Variants in GPD1L observed in about 807,000 individuals in gnomAD.
GPD1L encodes glycerol-3-phosphate dehydrogenase 1-like protein.
GPD1L carries 17 observed loss-of-function variants against 32.9 expected under a neutral mutation model. That is an observed-to-expected ratio of 0.52 (90% confidence interval 0.35 to 0.78). The LOEUF is 0.78. Among genes scored for constraint, GPD1L ranks in the 30% least tolerant of loss-of-function variants. GPD1L has a pLI of 0.01. For missense variants in GPD1L, 361 were observed against 447.8 expected (o/e 0.81, Z 1.75); for synonymous variants, 187 against 165.9 (o/e 1.13, Z -0.98).
Position 32,146,388 on chromosome 3 carries a change from A to G in GPD1L, c.506-234A>G, listed in dbSNP as rs9876851. Among the ~76,000 whole-genome samples, 63,249 of 151,936 alleles carry G rather than the reference A, an allele frequency of 0.42. 13,954 individuals carry two copies. The highest frequency in any genetic ancestry group is 0.55 in the African/African-American group (22,733 of 41,414). ...GGTGTGAGTCATCGTGTCTGGCCAA[A>G]AAAAACTTTAGATTCACATTCGGTC... On this transcript the variant is annotated intron_variant, in intron 4 of 7. Coordinates refer to ENST00000282541, the MANE Select transcript of GPD1L (RefSeq NM_015141.4).
intron 1 of GPD1L, among the ~76,000 whole-genome samples, chr3:32,110,829 AG>A (rs1700234566): frequency 6.6e-6 from 1 of 152,194 alleles, no homozygotes; most frequent in Admixed American, 6.5e-5. Flanking sequence ...AAAGCTTCTC[AG>A]GTTCTTTCAA....
In GPD1L at chr3:32,123,011, CCT is replaced by C. The variant is rs565290314; in HGVS notation, c.48-5061_48-5060del. On this transcript the variant is annotated intron_variant, in intron 1 of 7. Coordinates refer to ENST00000282541, the MANE Select transcript of GPD1L (RefSeq NM_015141.4). ...CCTTGACCTCCTGGGCTCAACTGAT[CCT>C]CTCGCTTCAGCCTCCTGAGTCGCTA... 1.1e-4 allele frequency among the ~76,000 whole-genome samples: 17 copies of C among 152,126 alleles called. No individual in the cohort carries two copies. The South Asian group carries it at 3.3e-3, about 30-fold the overall frequency.
chr3:32,132,419 T>G (rs546857744), intron 2 of GPD1L, among the ~76,000 whole-genome samples: 1 of 152,272 alleles, frequency 6.6e-6, no homozygotes, highest in South Asian at 2.1e-4. Flanking sequence ...GGGAAATAAG[T>G]TTAGGGCAAG....
Position 32,159,644 on chromosome 3 carries a change from G to A in GPD1L, c.929G>A (p.Arg310His), listed in dbSNP as rs771520513. 1.4e-5 allele frequency: 23 copies of A among 1,610,806 alleles called. No individual in the cohort carries two copies. Among genetic ancestry groups the A allele is most frequent in the Non-Finnish European group, 1.7e-5 (20 of 1,177,428 alleles). The change falls in exon 7 of 8, where the codon CGC becomes CAC. Residue 310 changes from arginine to histidine, a missense_variant. Transcript: ENST00000282541. Reference sequence around the variant, plus strand: ...CCGCAGACTTCTGCTGAAGTGTACCGCATCCTCAAACAGAAGGGACTACTG... The same window carrying A: ...CCGCAGACTTCTGCTGAAGTGTACCACATCCTCAAACAGAAGGGACTACTG... ...QGPQTSAEVY[R>H]ILKQKGLLDK...
intron 1 of GPD1L, among the ~76,000 whole-genome samples, chr3:32,122,453 G>A (rs1416370385): frequency 6.6e-6 from 1 of 152,188 alleles, no homozygotes; most frequent in East Asian, 1.9e-4. Flanking sequence ...CTTATATGAA[G>A]TACCCATCTA....
chr3:32,155,227 T>C (rs990882153), intron 5 of GPD1L, among the ~76,000 whole-genome samples: 2 of 151,896 alleles, frequency 1.3e-5, no homozygotes, highest in African/African-American at 4.8e-5. Flanking sequence ...CCAGACTCCA[T>C]CTTTTACCAG....
intron 6 of GPD1L, 32 bp from the exon 7 acceptor site, chr3:32,159,535 GT>G: frequency 8.2e-7 from 1 of 1,222,094 alleles, no homozygotes; most frequent in Non-Finnish European, 1.2e-6. Context: ...CTTTACCATA[GT>G]TTTTTTAAAT....
chr3:32,144,885 G>T (rs897868336), intron 4 of GPD1L, among the ~76,000 whole-genome samples: 2 of 151,410 alleles, frequency 1.3e-5, no homozygotes, highest in African/African-American at 2.4e-5. Flanking sequence ...TGAATTTTTT[G>T]TAGAGATGGG....
rs895891465 is a variant in GPD1L, at chr3:32,166,019, G to A, written c.*109G>A. 1.1e-5 allele frequency: 8 copies of A among 735,124 alleles called. No homozygotes were observed. The highest frequency in any genetic ancestry group is 5.3e-5 in the East Asian group (2 of 37,948). The allele number at this position is 735,124 out of a possible 1,614,324, so 45.5% of individuals were successfully genotyped here. A position where few individuals can be genotyped will look rare whatever the true frequency, so the allele number is the denominator to read the frequency against. On this transcript the variant is annotated 3_prime_UTR_variant, in exon 8 of 8. Transcript: ENST00000282541. Reference sequence around the variant, plus strand: ...TGATGTTTGACTGTAATCTCATCACGGATATGTATGAATTTTTACAGGTTC... The same window carrying A: ...TGATGTTTGACTGTAATCTCATCACAGATATGTATGAATTTTTACAGGTTC...
intron 4 of GPD1L, among the ~76,000 whole-genome samples, chr3:32,145,890 A>G (rs1490576665): frequency 6.6e-6 from 1 of 151,292 alleles, no homozygotes; most frequent in Non-Finnish European, 1.5e-5. Flanking sequence ...GTGTTTTATT[A>G]TGAAACTTTT....
At chr3:32,155,910 C>T (rs574702550) in intron 5 of GPD1L, among the ~76,000 whole-genome samples, 17 of 152,252 alleles carry the variant, frequency 1.1e-4, no homozygotes, top group African/African-American at 4.1e-4. Flanking sequence ...GTGCCGTGTA[C>T]CGCTTCCGTC....
chr3:32,162,821 T>G (rs1701089765), intron 7 of GPD1L, among the ~76,000 whole-genome samples: 1 of 150,836 alleles, frequency 6.6e-6, no homozygotes, highest in Non-Finnish European at 1.5e-5. Context: ...AGTGCAATGG[T>G]GCAATCTCAG....
chr3:32,150,231 TTTGA>T (rs1700895320), intron 5 of GPD1L, among the ~76,000 whole-genome samples: 1 of 152,208 alleles, frequency 6.6e-6, no homozygotes, highest in African/African-American at 2.4e-5. Flanking sequence ...GTCTGGCTTC[TTTGA>T]TTGGAGGTGT....
chr3:32,123,812 A>AGATAGATAGATAGAT (rs1378958352), intron 1 of GPD1L, among the ~76,000 whole-genome samples: 2 of 140,514 alleles, frequency 1.4e-5, no homozygotes, highest in African/African-American at 5.1e-5. Context: ...ATAGATAGAT[A>AGATAGATAGATAGAT]GATAGATAGA....
intron 1 of GPD1L, among the ~76,000 whole-genome samples, chr3:32,118,910 G>A (rs187579731): frequency 9.1e-4 from 139 of 152,236 alleles, no homozygotes; most frequent in African/African-American, 3.0e-3. Flanking sequence ...TTAGCATAAT[G>A]TCTTCAAGGT....
chr3:32,114,300 C>T (rs1700295747), intron 1 of GPD1L, among the ~76,000 whole-genome samples: 1 of 152,222 alleles, frequency 6.6e-6, no homozygotes, highest in African/African-American at 2.4e-5. Context: ...TGGGTTCTAA[C>T]AAGAGTAAGA....
At chr3:32,128,311 C>T (rs889895412) in intron 2 of GPD1L, 58 bp downstream of exon 2, 7 of 1,422,578 alleles carry the variant, frequency 4.9e-6, no homozygotes, top group Non-Finnish European at 7.0e-6. Context: ...CTTGGCTGAG[C>T]AGCACTTGGG....
chr3:32,133,852 AC>A (rs560573495), intron 2 of GPD1L, among the ~76,000 whole-genome samples: 9 of 152,194 alleles, frequency 5.9e-5, no homozygotes, highest in Non-Finnish European at 1.2e-4. Context: ...GTACGAAAGA[AC>A]CTTCAGACTT....
At chr3:32,123,800 A>AGAT (rs1700460427) in intron 1 of GPD1L, among the ~76,000 whole-genome samples, 1 of 125,660 alleles carries the variant, frequency 8.0e-6, no homozygotes, top group Non-Finnish European at 1.8e-5. Context: ...AAAGATAGAT[A>AGAT]GATAGATAGA....
Sources: gnomAD v4.1 joint callset for allele counts (sites outside exome capture counted in the v4.1 genomes callset) on GRCh38, gnomAD v4.1.1 for gene constraint, MANE v1.5 for transcripts, NCBI Gene and HGNC (gene_info 2026-07-23, HGNC 2026-07-21) for gene names.